PSPC1: variants seen among roughly 807,000 people sequenced by gnomAD.
The protein encoded by PSPC1 is paraspeckle protein 1.
PSPC1 carries 14 observed loss-of-function variants against 51.6 expected under a neutral mutation model. That is an observed-to-expected ratio of 0.27 (90% confidence interval 0.18 to 0.42). The LOEUF is 0.42. Among genes scored for constraint, PSPC1 ranks in the 10% least tolerant of loss-of-function variants. The pLI is 1.00. For synonymous variants in PSPC1, 193 were observed against 231.9 expected (o/e 0.83, Z 1.53); for missense variants, 406 against 701.1 (o/e 0.58, Z 4.75).
intron 5 of PSPC1, among the ~76,000 whole-genome samples, chr13:19,737,507 TCATATCAA>T (rs756036762): frequency 3.3e-5 from 5 of 152,312 alleles, no homozygotes; most frequent in South Asian, 2.1e-4. Context: ...ATTCAGTGAA[TCATATCAA>T]GGGGCTCCTG....
chr13:19,724,098 G>A (rs1382046766), intron 6 of PSPC1, among the ~76,000 whole-genome samples: 1 of 152,150 alleles, frequency 6.6e-6, no homozygotes, highest in African/African-American at 2.4e-5. Flanking sequence ...TTGTTTGAAT[G>A]CTTCAGAAGT....
At chr13:19,717,196 G>A (rs1882200268) in intron 6 of PSPC1, among the ~76,000 whole-genome samples, 2 of 152,128 alleles carry the variant, frequency 1.3e-5, no homozygotes, top group African/African-American at 4.8e-5. Context: ...AGGCCTCTTT[G>A]CCAAGAAAGT....
In PSPC1 at chr13:19,725,870, T is replaced by C. The variant is rs553775854; in HGVS notation, c.1158+4369A>G. On this transcript the variant is annotated intron_variant, in intron 6 of 8. Coordinates refer to ENST00000338910, the MANE Select transcript of PSPC1 (RefSeq NM_001354909.2). ...TACTGTTTGAACCGTGTTCTAAAGATGGATATATAACCATATGCAGTGGTA... is the reference window on the plus strand; with the variant it reads ...TACTGTTTGAACCGTGTTCTAAAGACGGATATATAACCATATGCAGTGGTA... 1.1e-3 allele frequency among the ~76,000 whole-genome samples: 163 copies of C among 152,278 alleles called. 1 individual carries two copies. Among genetic ancestry groups the C allele is most frequent in the African/African-American group, 3.8e-3 (156 of 41,572 alleles).
Position 19,705,676 on chromosome 13 carries a change from C to T in PSPC1, c.1372G>A (p.Asp458Asn). 1 of 1,597,814 alleles carries T rather than the reference C, an allele frequency of 6.3e-7. No individual in the cohort carries two copies. The part of the protein sequence containing the change: ...AANMGTPMMP[D>N]NGAVHNDRFP... ...TGATACATTACCACTGCTCCATTAT[C>T]TGGCATCATTGGAGTTCCCATATTT... The change falls in exon 8 of 9, where the codon GAT becomes AAT. Residue 458 changes from aspartate (D) to asparagine (N), a missense_variant. Physicochemically the swap from Asp to Asn is conservative, Grantham distance 23 (BLOSUM62 1). Coordinates refer to ENST00000338910, the MANE Select transcript of PSPC1 (RefSeq NM_001354909.2).
intron 4 of PSPC1, among the ~76,000 whole-genome samples, chr13:19,750,459 A>AATATATAT (rs67130075): frequency 3.4e-5 from 5 of 148,436 alleles, no homozygotes; most frequent in South Asian, 2.1e-4. Flanking sequence ...AACAAACAAA[A>AATATATAT]ATATATATAT....
downstream of PSPC1, among the ~76,000 whole-genome samples, chr13:19,673,974 C>CT (rs1249242855): frequency 1.3e-5 from 2 of 152,226 alleles, no homozygotes; most frequent in Non-Finnish European, 2.9e-5. Flanking sequence ...ATCTCCTAGT[C>CT]TTTTCCCCTG....
intron 4 of PSPC1, among the ~76,000 whole-genome samples, chr13:19,744,019 A>G (rs2138060474): frequency 6.6e-6 from 1 of 152,262 alleles, no homozygotes; most frequent in East Asian, 1.9e-4. Context: ...TAGGCAGGAG[A>G]ATCACTTGAA....
chr13:19,771,127 ATGT>A (rs959927599), intron 2 of PSPC1, among the ~76,000 whole-genome samples: 32 of 150,976 alleles, frequency 2.1e-4, no homozygotes, highest in African/African-American at 7.5e-4. Flanking sequence ...AGATGTTTTT[ATGT>A]TGTTGTTGTT....
At chr13:19,726,922 T>G (rs760449079) in intron 6 of PSPC1, among the ~76,000 whole-genome samples, 25 of 152,228 alleles carry the variant, frequency 1.6e-4, no homozygotes, top group Non-Finnish European at 2.1e-4. Flanking sequence ...TTATTATGTG[T>G]GTTGAATAAA....
chr13:19,780,125 C>G (rs1157829172), intron 1 of PSPC1, among the ~76,000 whole-genome samples: 1 of 59,552 alleles, frequency 1.7e-5, no homozygotes, highest in African/African-American at 4.1e-5. Context: ...CCGCCCCGTC[C>G]GGGAGGGAGG....
At chr13:19,775,389 T>G (rs895544824) in intron 1 of PSPC1, among the ~76,000 whole-genome samples, 7 of 151,498 alleles carry the variant, frequency 4.6e-5, no homozygotes, top group African/African-American at 1.7e-4. Flanking sequence ...ATAAACCAAA[T>G]AATACAGCAT....
chr13:19,766,868 GA>G (rs545132287), intron 2 of PSPC1, among the ~76,000 whole-genome samples: 32 of 139,758 alleles, frequency 2.3e-4, no homozygotes, highest in Admixed American at 2.9e-4. Context: ...GAAAAAAAAA[GA>G]AAAAAAAAAA....
chr13:19,765,331 T>C (rs1172039983), intron 2 of PSPC1, among the ~76,000 whole-genome samples: 1 of 143,574 alleles, frequency 7.0e-6, no homozygotes, highest in East Asian at 2.0e-4. Context: ...TCAAAAATAA[T>C]AATAATAATA....
At chr13:19,769,017 G>A (rs1409985075) in intron 2 of PSPC1, among the ~76,000 whole-genome samples, 1 of 150,464 alleles carries the variant, frequency 6.6e-6, no homozygotes, top group Non-Finnish European at 1.5e-5. Context: ...GTGCATGCCT[G>A]TAGTCCCAGC....
At chr13:19,736,300 TTGAGA>T (rs1284337787) in intron 5 of PSPC1, among the ~76,000 whole-genome samples, 2 of 152,130 alleles carry the variant, frequency 1.3e-5, no homozygotes, top group African/African-American at 4.8e-5. Context: ...TCACCTTATA[TTGAGA>T]TATTTTCAGT....
In PSPC1 at chr13:19,763,195, G is replaced by A. The variant is rs1887750455; in HGVS notation, c.675-3777C>T. 4.0e-5 allele frequency among the ~76,000 whole-genome samples: 6 copies of A among 151,766 alleles called. No individual in the cohort carries two copies. In the South Asian group the frequency reaches 1.2e-3, roughly 32 times the overall value. ...TCTTGAGACAGTGTCTCACTCTGTT[G>A]TCTAGGCTGGAGTGCAGTGGGGCGA... On this transcript the variant is annotated intron_variant, in intron 2 of 8. Coordinates refer to ENST00000338910, the MANE Select transcript of PSPC1 (RefSeq NM_001354909.2).
Position 19,782,012 on chromosome 13 carries a change from G to A in PSPC1, c.372+374C>T, listed in dbSNP as rs1243532976. On this transcript the variant is annotated intron_variant, in intron 1 of 8. Transcript: ENST00000338910. This position sits in a 1 kb window ranked among gnomAD's most constrained non-coding sequence, Gnocchi z 4.5. ...TGAAGAATTCTCACCCCAAAACGCT[G>A]CCCGCCCCTGTCCCCGGACCCTTTC... Among the ~76,000 whole-genome samples, 8 of 152,156 alleles carry A rather than the reference G, an allele frequency of 5.3e-5. No homozygotes were observed. Among genetic ancestry groups the A allele is most frequent in the Non-Finnish European group, 1.0e-4 (7 of 68,026 alleles).
intron 2 of PSPC1, among the ~76,000 whole-genome samples, chr13:19,763,060 G>A (rs749174884): frequency 3.3e-5 from 5 of 151,854 alleles, no homozygotes; most frequent in East Asian, 1.9e-4. Context: ...AGCTGAGACC[G>A]CGGCATTGCA....
At chr13:19,718,443 C>G (rs1355913182) in intron 6 of PSPC1, among the ~76,000 whole-genome samples, 1 of 152,166 alleles carries the variant, frequency 6.6e-6, no homozygotes, top group Non-Finnish European at 1.5e-5. Flanking sequence ...CACTACAAAA[C>G]CTACTAGAAT....
Sources: allele counts gnomAD v4.1 joint callset (sites outside exome capture counted in the v4.1 genomes callset), GRCh38; gene constraint gnomAD v4.1.1; non-coding constraint Gnocchi (gnomAD v3.1); transcripts MANE v1.5; gene names NCBI Gene and HGNC (gene_info 2026-07-23, HGNC 2026-07-21).